The following CIROZ variants were observed in gnomAD, a reference collection of about 807,000 sequenced individuals.
The protein encoded by CIROZ is ciliated left-right organizer protein containing ZP-N domains, also known as ciliated left-right organizer ZP-N domains-containing protein.
the CIROZ span, among the ~76,000 whole-genome samples, chr1:10,958,078 G>T: frequency 1.3e-5 from 2 of 152,210 alleles, no homozygotes; most frequent in African/African-American, 4.8e-5. Flanking sequence ...GGGCACAACT[G>T]GAGTCCTGTC....
chr1:10,948,626 C>T, the CIROZ span: 411 of 1,613,980 alleles, frequency 2.5e-4, 3 homozygotes, highest in African/African-American at 5.0e-3. Context: ...GAGCCGGGTG[C>T]GTTGGCAAGA....
chr1:10,970,134 G>GAGGAAGGA, the CIROZ span: 10 of 1,414,168 alleles, frequency 7.1e-6, no homozygotes, highest in East Asian at 2.5e-5. Flanking sequence ...GGAAGGGAGG[G>GAGGAAGGA]AGGAAGGAAG....
chr1:10,957,687 G>A, the CIROZ span: 1 of 1,614,162 alleles, frequency 6.2e-7, no homozygotes, highest in South Asian at 1.1e-5. Context: ...TCCACATACA[G>A]TCCCATCAGG....
At chr1:10,970,613 C>T in the CIROZ span, among the ~76,000 whole-genome samples, 2 of 151,816 alleles carry the variant, frequency 1.3e-5, no homozygotes, top group Non-Finnish European at 2.9e-5. Flanking sequence ...TGGGTGGCAG[C>T]GAAACTCTGA....
At chr1:10,967,116 T>C in the CIROZ span, among the ~76,000 whole-genome samples, 1 of 144,290 alleles carries the variant, frequency 6.9e-6, no homozygotes, top group Non-Finnish European at 1.5e-5. Flanking sequence ...GCCACTGCAC[T>C]CCAGCCTGGG....
chr1:10,950,623 T>C, the CIROZ span, among the ~76,000 whole-genome samples: 1 of 152,204 alleles, frequency 6.6e-6, no homozygotes, highest in Admixed American at 6.5e-5. Flanking sequence ...GCAGGCCCCC[T>C]GGCCTCCGCC....
chr1:10,958,075 A>G, the CIROZ span, among the ~76,000 whole-genome samples: 1 of 152,328 alleles, frequency 6.6e-6, no homozygotes, highest in Non-Finnish European at 1.5e-5. Flanking sequence ...GCTGGGCACA[A>G]CTGGAGTCCT....
the CIROZ span, among the ~76,000 whole-genome samples, chr1:10,946,900 C>T: frequency 6.6e-6 from 1 of 152,176 alleles, no homozygotes; most frequent in Non-Finnish European, 1.5e-5. Context: ...TCACCAACAA[C>T]CCCCAGAGAT....
chr1:10,958,339 G>A, the CIROZ span, among the ~76,000 whole-genome samples: 1 of 152,190 alleles, frequency 6.6e-6, no homozygotes, highest in African/African-American at 2.4e-5. Flanking sequence ...CCAGCAGAAG[G>A]AAAATTCGGG....
At chr1:10,970,123 G>T in the CIROZ span, 1 of 1,478,082 alleles carries the variant, frequency 6.8e-7, no homozygotes, top group South Asian at 1.3e-5. Flanking sequence ...GAGGGAGGTG[G>T]GGAAGGGAGG....
chr1:10,963,458 T>A, the CIROZ span, among the ~76,000 whole-genome samples: 13 of 152,274 alleles, frequency 8.5e-5, no homozygotes, highest in Non-Finnish European at 1.8e-4. Context: ...AAATTCTTTA[T>A]TGCTTCCTCC....
the CIROZ span, among the ~76,000 whole-genome samples, chr1:10,951,323 G>A: frequency 2.0e-5 from 3 of 152,154 alleles, no homozygotes; most frequent in East Asian, 1.9e-4. Flanking sequence ...CCAGCAGTAC[G>A]GGAGGCTGAG....
the CIROZ span, among the ~76,000 whole-genome samples, chr1:10,974,427 A>G: frequency 6.6e-6 from 1 of 152,144 alleles, no homozygotes; most frequent in African/African-American, 2.4e-5. The surrounding 1 kb of genome is among the most constrained non-coding windows in gnomAD (Gnocchi z 4.4). Context: ...CTCTGCTGAC[A>G]GCTGCAGAGA....
the CIROZ span, chr1:10,957,582 C>G: frequency 1.2e-6 from 2 of 1,610,458 alleles, no homozygotes; most frequent in Non-Finnish European, 1.7e-6. Context: ...AGAGGCCCCT[C>G]ACCTCCTGGC....
At chr1:10,973,479 G>T in the CIROZ span, among the ~76,000 whole-genome samples, 1 of 152,204 alleles carries the variant, frequency 6.6e-6, no homozygotes, top group South Asian at 2.1e-4. Flanking sequence ...GGATAGGAAG[G>T]CTCAGGAGCT....
the CIROZ span, among the ~76,000 whole-genome samples, chr1:10,962,277 C>T: frequency 5.2e-4 from 79 of 152,080 alleles, no homozygotes; most frequent in Middle Eastern, 3.2e-3. Context: ...GAAACCCCGT[C>T]TCTACCAAAA....
chr1:10,948,797 G>T, the CIROZ span: 1 of 1,513,628 alleles, frequency 6.6e-7, no homozygotes, highest in African/African-American at 1.4e-5. Flanking sequence ...CAGATGTCTG[G>T]CCTCTTCTCG....
At chr1:10,981,983 C>A in the CIROZ span, 1 of 1,537,062 alleles carries the variant, frequency 6.5e-7, no homozygotes, top group Non-Finnish European at 8.7e-7. Context: ...CCACTGGCTT[C>A]TCCCAATTCC....
the CIROZ span, chr1:10,949,431 T>C: frequency 8.4e-6 from 6 of 713,556 alleles, no homozygotes; most frequent in African/African-American, 7.2e-5. Context: ...GTGGGAGCTC[T>C]TGGGGGCCCA....
Sources: gnomAD v4.1 joint callset for allele counts (sites outside exome capture counted in the v4.1 genomes callset) on GRCh38, gnomAD v4.1.1 for gene constraint, Gnocchi (gnomAD v3.1) non-coding constraint, MANE v1.5 for transcripts, NCBI Gene and HGNC (gene_info 2026-07-23, HGNC 2026-07-21) for gene names.